GAK: variants seen among roughly 807,000 people sequenced by gnomAD.
GAK encodes the protein cyclin G associated kinase.
GAK carries 79 observed loss-of-function variants against 143.9 expected under a neutral mutation model. The ratio of observed to expected loss-of-function variants is 0.55; its 90% CI spans 0.46 to 0.66. The LOEUF (loss-of-function observed/expected upper bound fraction) is 0.66, where lower values mean the gene tolerates loss of function less well. Ranked by LOEUF, GAK falls within the 30% of genes least tolerant of loss-of-function variation. The probability of loss-of-function intolerance (pLI) is 0.00; values close to 1 mark genes in which losing one functional copy is unlikely to be tolerated. For missense variants in GAK, 1,693 were observed against 1,779.7 expected, an observed-to-expected ratio of 0.95 and a Z score of 0.88; for synonymous variants, 881 against 765.5, an observed-to-expected ratio of 1.15 and a Z score of -2.49.
chr4:857,487 A>T (rs1364617334), intron 24 of GAK, among the ~76,000 whole-genome samples: 5 of 152,008 alleles, frequency 3.3e-5, no homozygotes, highest in Non-Finnish European at 7.4e-5. Flanking sequence ...TTTTCTTTGT[A>T]TTTATAGAAT....
chr4:901,007 T>C (rs1719766529), intron 5 of GAK, among the ~76,000 whole-genome samples: 1 of 152,230 alleles, frequency 6.6e-6, no homozygotes, highest in African/African-American at 2.4e-5. Flanking sequence ...CCTGGCATTC[T>C]AGGCCCTCTG....
chr4:923,599 C>A (rs1197705813), intron 1 of GAK, among the ~76,000 whole-genome samples: 1 of 151,794 alleles, frequency 6.6e-6, no homozygotes, highest in Non-Finnish European at 1.5e-5. Context: ...CGCTTGAGTC[C>A]GGGAGTTCAA....
intron 24 of GAK, 174 bp from the exon 25 acceptor site, chr4:852,148 G>A (rs1486424603): frequency 2.0e-5 from 13 of 650,978 alleles, no homozygotes; most frequent in East Asian, 1.9e-4. Context: ...AGGTCTCCAG[G>A]GGCTGGAGCA....
In GAK at chr4:851,856, C is replaced by T. The variant is rs1748207049; in HGVS notation, c.3402G>A (p.Gln1134=). 6 of 1,609,118 alleles carry T rather than the reference C, an allele frequency of 3.7e-6. No individual in the cohort carries two copies. The East Asian group carries it at 8.9e-5, about 24-fold the overall frequency. Residue 1134 remains glutamine, a synonymous_variant, in exon 25 of 28, where the codon CAG becomes CAA. Coordinates refer to ENST00000314167, the MANE Select transcript of GAK (RefSeq NM_005255.4). The part of the protein sequence containing the change: ...PPAQGASWPP[Q]AKPPPKACTQ... Reference sequence around the variant, plus strand: ...TGCAGGCTTTGGGGGGCGGCTTGGCCTGAGGGGGCCATGAGGCGCCCTGGG... The same window carrying T: ...TGCAGGCTTTGGGGGGCGGCTTGGCTTGAGGGGGCCATGAGGCGCCCTGGG...
chr4:884,184 G>A, intron 11 of GAK, 98 bp from the exon 12 acceptor site: 1 of 1,053,554 alleles, frequency 9.5e-7, no homozygotes. Flanking sequence ...GAAGCCGTGG[G>A]GCTCTCACTG....
chr4:926,194 C>T (rs528999403), intron 1 of GAK, among the ~76,000 whole-genome samples: 52 of 152,278 alleles, frequency 3.4e-4, no homozygotes, highest in African/African-American at 1.2e-3. Flanking sequence ...ATGGTGAGCC[C>T]ACCCATGGGG....
intron 9 of GAK, among the ~76,000 whole-genome samples, chr4:890,837 G>A (rs1419305980): frequency 2.0e-5 from 3 of 152,128 alleles, no homozygotes; most frequent in Non-Finnish European, 4.4e-5. Flanking sequence ...GGCCTGCCTC[G>A]CTTGGGGCTG....
At chr4:913,544 T>G in intron 2 of GAK, 63 bp downstream of exon 2, 1 of 1,262,608 alleles carries the variant, frequency 7.9e-7, no homozygotes, top group Non-Finnish European at 1.2e-6. Context: ...CTGAAAAGAC[T>G]GTCACCAGAC....
intron 11 of GAK, among the ~76,000 whole-genome samples, chr4:884,997 G>A (rs563908519): frequency 2.0e-4 from 30 of 152,068 alleles, no homozygotes; most frequent in African/African-American, 7.2e-4. Context: ...CGCAGAGCAG[G>A]TGCTGACATA....
intron 12 of GAK, 58 bp from the exon 13 acceptor site, chr4:883,521 C>T: frequency 6.3e-7 from 1 of 1,587,964 alleles, no homozygotes; most frequent in South Asian, 1.1e-5. Flanking sequence ...GGCCAGGCTG[C>T]TGCTGCGGCC....
intron 11 of GAK, among the ~76,000 whole-genome samples, chr4:885,314 G>A (rs563219199): frequency 1.2e-4 from 18 of 152,204 alleles, no homozygotes; most frequent in Non-Finnish European, 2.1e-4. Context: ...GGTGGCTCAT[G>A]CCTGTAATCT....
chr4:916,756 T>C (rs1305273381), intron 1 of GAK, among the ~76,000 whole-genome samples: 1 of 152,130 alleles, frequency 6.6e-6, no homozygotes, highest in Non-Finnish European at 1.5e-5. Flanking sequence ...AAATGGAAAA[T>C]GGTACAATCA....
Position 929,473 on chromosome 4 carries a change from G to A in GAK, c.145+2570C>T, listed in dbSNP as rs75025717. 6.2e-3 allele frequency among the ~76,000 whole-genome samples: 938 copies of A among 152,246 alleles called. 9 individuals carry two copies. The highest frequency in any genetic ancestry group is 0.02 in the Middle Eastern group (6 of 294). On this transcript the variant is annotated intron_variant, in intron 1 of 27. Coordinates refer to ENST00000314167, the MANE Select transcript of GAK (RefSeq NM_005255.4). ...GGCTCCACTTCAGAAGCAACGGCAC[G>A]CAGAACCCAAAACAAAGAACACACA...
At position 865,174 on chromosome 4, in the gene GAK, A is replaced by G; in HGVS notation, c.3114T>C (p.Ala1038=). 1 of 1,612,814 alleles carries G rather than the reference A, an allele frequency of 6.2e-7. No homozygotes were observed. The highest frequency in any genetic ancestry group is 8.5e-7 in the Non-Finnish European group (1 of 1,179,698). The change falls in exon 23 of 28, where the codon GCT becomes GCC. Residue 1038 remains alanine (A), a synonymous_variant. Transcript: ENST00000314167. Reference sequence around the variant, plus strand: ...CCGATGCTGCAGTCTCGGTCCAGGCAGCCCATCCTCCCAGCAGGTCTGGGT... The same window carrying G: ...CCGATGCTGCAGTCTCGGTCCAGGCGGCCCATCCTCCCAGCAGGTCTGGGT... ...SSNPDLLGGW[A]AWTETAASAV...
chr4:857,207 T>C (rs1749437100), intron 24 of GAK, among the ~76,000 whole-genome samples: 1 of 152,238 alleles, frequency 6.6e-6, no homozygotes, highest in Non-Finnish European at 1.5e-5. Context: ...TATATACCGA[T>C]AAATCCTATT....
intron 24 of GAK, 105 bp from the exon 25 acceptor site, chr4:852,079 A>C: frequency 1.0e-6 from 1 of 975,716 alleles, no homozygotes; most frequent in Non-Finnish European, 1.6e-6. Context: ...TGCGCTTGCA[A>C]AATAGAACAC....
intron 7 of GAK, 35 bp downstream of exon 7, chr4:896,425 G>A: frequency 4.4e-6 from 7 of 1,576,922 alleles, no homozygotes; most frequent in Non-Finnish European, 6.1e-6. Context: ...GGCGCACGGA[G>A]CCAGGCACTG....
At chr4:913,471 A>C (rs1449507287) in intron 2 of GAK, 136 bp downstream of exon 2, 2 of 706,986 alleles carry the variant, frequency 2.8e-6, no homozygotes, top group Non-Finnish European at 5.0e-6. Flanking sequence ...ATTCAGCAGA[A>C]GCAAAAGGGA....
intron 4 of GAK, among the ~76,000 whole-genome samples, chr4:908,372 G>A (rs79695461): frequency 0.013 from 1,940 of 152,286 alleles, 21 homozygotes; most frequent in Non-Finnish European, 0.02. Flanking sequence ...ACCGCACCAC[G>A]TGGAAAGAGG....
Sources: gnomAD v4.1 joint callset for allele counts (sites outside exome capture counted in the v4.1 genomes callset) on GRCh38, gnomAD v4.1.1 for gene constraint, MANE v1.5 for transcripts, NCBI Gene and HGNC (gene_info 2026-07-23, HGNC 2026-07-21) for gene names.